Variants in PLA2G6 observed in about 807,000 individuals in gnomAD.
The protein encoded by PLA2G6 is 85/88 kDa calcium-independent phospholipase A2.
Under a neutral mutation model 83.8 loss-of-function variants are expected in PLA2G6, and 62 were observed. That is an observed-to-expected ratio of 0.74 (90% confidence interval 0.60 to 0.91). The LOEUF (loss-of-function observed/expected upper bound fraction) is 0.91. Among genes scored for constraint, PLA2G6 ranks in the 40% least tolerant of loss-of-function variants. The pLI is 0.00. For synonymous variants in PLA2G6, 417 were observed against 449.8 expected, an observed-to-expected ratio of 0.93 and a Z score of 0.92; for missense variants, 944 against 1,102.0, an observed-to-expected ratio of 0.86 and a Z score of 2.03.
intron 2 of PLA2G6, chr22:38,148,427 T>A: frequency 1.4e-6 from 1 of 705,614 alleles, no homozygotes. Context: ...CCAGAAATGC[T>A]GGACAAATTA....
chr22:38,160,123 C>T (rs2089951646), intron 2 of PLA2G6, among the ~76,000 whole-genome samples: 1 of 152,176 alleles, frequency 6.6e-6, no homozygotes, highest in African/African-American at 2.4e-5. Flanking sequence ...TGGTTAATCA[C>T]TGTATCAAAA....
At chr22:38,152,068 G>T (rs2089586161) in intron 2 of PLA2G6, among the ~76,000 whole-genome samples, 2 of 152,154 alleles carry the variant, frequency 1.3e-5, no homozygotes. Flanking sequence ...GTTAAATTTT[G>T]ATTCCAATGT....
At chr22:38,130,051 G>A (rs949404459) in intron 7 of PLA2G6, among the ~76,000 whole-genome samples, 3 of 152,178 alleles carry the variant, frequency 2.0e-5, no homozygotes, top group African/African-American at 4.8e-5. Context: ...GTGTCCCCAC[G>A]AAGAACGTCA....
intron 2 of PLA2G6, 31 bp from the exon 3 acceptor site, chr22:38,145,684 G>T (rs146167080): frequency 5.1e-5 from 77 of 1,501,230 alleles, no homozygotes; most frequent in Non-Finnish European, 6.4e-5. Flanking sequence ...AGCAAGACCC[G>T]AAATGAGTAA....
intron 6 of PLA2G6, chr22:38,133,383 T>G (rs898316409): frequency 4.9e-5 from 14 of 285,406 alleles, no homozygotes; most frequent in Non-Finnish European, 9.6e-5. Context: ...TCACTGGGCC[T>G]TGGCAATGCA....
In PLA2G6 at chr22:38,113,653, C is replaced by A. The variant is rs2087014773; in HGVS notation, c.2036G>T (p.Gly679Val). ...GAGTTTCTTCACCTTGTTGGCCTGA[C>A]CCTGTTGGGAACAGGACAGGGGCAG... ...HEYNQDLIRKGQANKVKKLSI... is the reference protein window; with the variant it reads ...HEYNQDLIRKVQANKVKKLSI... The change falls in exon 15 of 17, where the codon GGT becomes GTT. Residue 679 changes from glycine to valine, a missense_variant and splice_region_variant. Transcript: ENST00000332509. The A allele has an allele frequency of 6.2e-7, 1 of 1,613,596 alleles. No individual in the cohort carries two copies. Among genetic ancestry groups the A allele is most frequent in the Non-Finnish European group, 8.5e-7 (1 of 1,179,980 alleles).
rs6001017 is a variant in PLA2G6 at position 38,139,947 on chromosome 22, G to A, written c.797+35C>T. ...CAGGTGACAGGAGAGCTGGAGCCCA[G>A]CAGGCCAGCAGATGGGGAGGGGAGG... is the stretch of plus-strand genomic sequence containing the variant. On this transcript the variant is annotated intron_variant, in intron 5 of 16. Transcript: ENST00000332509. 0.011 allele frequency: 16,827 copies of A among 1,499,848 alleles called. 1,384 individuals carry two copies. In the African/African-American group the frequency reaches 0.19, roughly 17 times the overall value. 92.9% of individuals were successfully genotyped at this position (1,499,848 alleles called of 1,614,324 possible). A position where few individuals can be genotyped will look rare whatever the true frequency, so the allele number is the denominator to read the frequency against.
chr22:38,151,741 A>G (rs2089571896), intron 2 of PLA2G6, among the ~76,000 whole-genome samples: 1 of 152,232 alleles, frequency 6.6e-6, no homozygotes, highest in African/African-American at 2.4e-5. Flanking sequence ...ATACATAGCT[A>G]AAGGATTCTA....
At chr22:38,114,348 C>T (rs1320839948) in intron 14 of PLA2G6, among the ~76,000 whole-genome samples, 2 of 152,150 alleles carry the variant, frequency 1.3e-5, no homozygotes, top group Non-Finnish European at 2.9e-5. Context: ...GCCCGCCTGG[C>T]TAATTTTTTT....
At chr22:38,112,401 C>A in intron 16 of PLA2G6, 96 bp from the exon 17 acceptor site, 3 of 1,532,622 alleles carry the variant, frequency 2.0e-6, no homozygotes, top group Non-Finnish European at 2.7e-6. Flanking sequence ...ACAGAGCAGA[C>A]CCTTGGGGAA....
At chr22:38,152,377 A>AT (rs1280259300) in intron 2 of PLA2G6, among the ~76,000 whole-genome samples, 6 of 150,966 alleles carry the variant, frequency 4.0e-5, no homozygotes, top group Non-Finnish European at 8.9e-5. Flanking sequence ...ATTTTTTTGT[A>AT]TTTTTTTTAG....
intron 4 of PLA2G6, 49 bp downstream of exon 4, chr22:38,143,056 G>T: frequency 1.3e-6 from 2 of 1,569,674 alleles, no homozygotes; most frequent in South Asian, 2.2e-5. Context: ...GGGAACCGTG[G>T]ACACCGGGAG....
chr22:38,120,150 A>G (rs959257922), intron 12 of PLA2G6, among the ~76,000 whole-genome samples: 1 of 152,204 alleles, frequency 6.6e-6, no homozygotes, highest in Admixed American at 6.5e-5. Flanking sequence ...AACGGGATGC[A>G]TTGCTTAGTC....
Position 38,143,291 on chromosome 22 carries a change from G to A in PLA2G6, c.426-3C>T, listed in dbSNP as rs1320080366. On this transcript the variant is annotated splice_polypyrimidine_tract_variant and splice_region_variant and intron_variant, in intron 3 of 16. Transcript: ENST00000332509. ...CGTTCTCCGCGCAATTGGCACAGCTGCAGGAGAGGGCCAGGGTGAGCAGAG... is the reference window on the plus strand; with the variant it reads ...CGTTCTCCGCGCAATTGGCACAGCTACAGGAGAGGGCCAGGGTGAGCAGAG... 35 of 1,610,198 alleles carry A rather than the reference G, an allele frequency of 2.2e-5. No individual in the cohort carries two copies. The highest frequency in any genetic ancestry group is 2.6e-5 in the Non-Finnish European group (31 of 1,179,972).
At position 38,112,839 on chromosome 22, in the gene PLA2G6, A is replaced by C. The variant is rs1032136244; in HGVS notation, c.2203-262T>G. The C allele has an allele frequency of 5.1e-6, 3 of 583,860 alleles. No individual in the cohort carries two copies. The Admixed American group carries it at 9.0e-5, about 17-fold the overall frequency. 36.2% of individuals were successfully genotyped at this position (583,860 alleles called of 1,614,324 possible). A position where few individuals can be genotyped will look rare whatever the true frequency, so the allele number is the denominator to read the frequency against. On this transcript the variant is annotated intron_variant, in intron 15 of 16. Coordinates refer to ENST00000332509, the MANE Select transcript of PLA2G6 (RefSeq NM_003560.4). ...TGAGTGGGGGAAAGGGTAGCGGCTG[A>C]GTCGACAGGCCTCCATGTCCCCTCT...
At chr22:38,117,834 G>T in intron 12 of PLA2G6, among the ~76,000 whole-genome samples, 1 of 152,054 alleles carries the variant, frequency 6.6e-6, no homozygotes, top group South Asian at 2.1e-4. Context: ...TTAGGAGTTT[G>T]AGACTGGCCT....
In PLA2G6 at chr22:38,169,242, G is replaced by C; in HGVS notation, c.185C>G (p.Pro62Arg). ...NRTWDCVLVNPRNSQSGFRLF... is the reference protein window; with the variant it reads ...NRTWDCVLVNRRNSQSGFRLF... The stretch of plus-strand genomic sequence containing the variant: ...CCGGAATCCACTCTGTGAGTTCCTG[G>C]GGTTGACCAGGACGCAGTCCCAGGT... The change falls in exon 2 of 17, where the codon CCC becomes CGC. Residue 62 changes from proline (P) to arginine (R), a missense_variant. Coordinates refer to ENST00000332509, the MANE Select transcript of PLA2G6 (RefSeq NM_003560.4). The C allele has an allele frequency of 6.2e-7, 1 of 1,614,030 alleles. No individual in the cohort carries two copies. Among genetic ancestry groups the C allele is most frequent in the African/African-American group, 1.3e-5 (1 of 75,052 alleles).
At chr22:38,152,766 G>A (rs1005136073) in intron 2 of PLA2G6, among the ~76,000 whole-genome samples, 2 of 152,138 alleles carry the variant, frequency 1.3e-5, no homozygotes, top group African/African-American at 2.4e-5. Flanking sequence ...CTTGGAGAAC[G>A]ATCTCCCAAC....
intron 11 of PLA2G6, among the ~76,000 whole-genome samples, chr22:38,122,202 T>G (rs2087565011): frequency 6.6e-6 from 1 of 151,940 alleles, no homozygotes; most frequent in South Asian, 2.1e-4. Flanking sequence ...ATACCCACCC[T>G]AGGGTGGGGA....
Sources: gnomAD v4.1 joint callset for allele counts (sites outside exome capture counted in the v4.1 genomes callset) on GRCh38, gnomAD v4.1.1 for gene constraint, MANE v1.5 for transcripts, NCBI Gene and HGNC (gene_info 2026-07-23, HGNC 2026-07-21) for gene names.